Variants in EPRS1 observed in about 807,000 individuals in gnomAD.
EPRS1 encodes the protein bifunctional glutamate/proline--tRNA ligase.
In EPRS1, 107 loss-of-function variants were observed where a neutral mutation model predicts 188.3. That is an observed-to-expected ratio of 0.57 (90% CI 0.49 to 0.67). The LOEUF (loss-of-function observed/expected upper bound fraction) is 0.67. Among genes scored for constraint, EPRS1 ranks in the 30% least tolerant of loss-of-function variants. EPRS1 has a pLI of 0.00. For missense variants in EPRS1, 1,577 were observed against 1,802.2 expected, an observed-to-expected ratio of 0.88 and a Z score of 2.26; for synonymous variants, 596 against 593.1, an observed-to-expected ratio of 1.00 and a Z score of -0.07.
intron 17 of EPRS1, among the ~76,000 whole-genome samples, chr1:219,999,790 A>G (rs991180678): frequency 6.6e-6 from 1 of 152,142 alleles, no homozygotes; most frequent in Non-Finnish European, 1.5e-5. Context: ...TCTGGCCAAC[A>G]TGGCGAAACC....
intron 6 of EPRS1, among the ~76,000 whole-genome samples, chr1:220,028,527 G>A (rs2577149): frequency 0.8 from 121,696 of 151,780 alleles, 48,940 homozygotes; most frequent in East Asian, 0.93. Flanking sequence ...GCTGAATTGG[G>A]CTTCTGCCAT....
intron 30 of EPRS1, among the ~76,000 whole-genome samples, chr1:219,969,641 A>T (rs1660627303): frequency 7.5e-6 from 1 of 133,496 alleles, no homozygotes; most frequent in Non-Finnish European, 1.6e-5. Flanking sequence ...TCCTAAAATC[A>T]TTTTGTGTAA....
chr1:219,988,202 C>A (rs775816448), intron 19 of EPRS1, among the ~76,000 whole-genome samples: 1 of 152,120 alleles, frequency 6.6e-6, no homozygotes, highest in Admixed American at 6.6e-5. Context: ...CAAAATAAAA[C>A]CTACTATTTC....
At chr1:220,004,877 G>A (rs527754815) in intron 16 of EPRS1, among the ~76,000 whole-genome samples, 9 of 151,662 alleles carry the variant, frequency 5.9e-5, no homozygotes, top group Non-Finnish European at 1.3e-4. Context: ...CCCTCTAAAT[G>A]TATGCTGTTT....
intron 3 of EPRS1, among the ~76,000 whole-genome samples, chr1:220,034,632 C>A (rs1468176211): frequency 1.3e-5 from 2 of 152,176 alleles, no homozygotes; most frequent in Non-Finnish European, 1.5e-5. Flanking sequence ...ACAGCCCCAT[C>A]TGGCTATGAA....
intron 30 of EPRS1, among the ~76,000 whole-genome samples, chr1:219,970,906 G>A (rs1401371784): frequency 6.6e-6 from 1 of 151,928 alleles, no homozygotes; most frequent in South Asian, 2.1e-4. Context: ...GATCTAAAGA[G>A]GATTTTGATA....
chr1:219,979,848 T>C (rs761042721), intron 26 of EPRS1, among the ~76,000 whole-genome samples: 2 of 152,160 alleles, frequency 1.3e-5, no homozygotes, highest in Non-Finnish European at 2.9e-5. Flanking sequence ...TAGCAGTAAT[T>C]TTACCTACAA....
intron 2 of EPRS1, among the ~76,000 whole-genome samples, chr1:220,038,771 G>A (rs570008744): frequency 2.6e-5 from 4 of 152,246 alleles, no homozygotes; most frequent in African/African-American, 9.6e-5. Context: ...CCAGGAAGTG[G>A]GCGCAGGGAG....
chr1:220,038,217 G>A (rs1251122371), intron 2 of EPRS1, among the ~76,000 whole-genome samples: 1 of 151,600 alleles, frequency 6.6e-6, no homozygotes, highest in Non-Finnish European at 1.5e-5. Flanking sequence ...TGAGTAGCTG[G>A]GATTACAGGC....
intron 13 of EPRS1, among the ~76,000 whole-genome samples, chr1:220,008,857 G>A (rs1374342224): frequency 6.6e-6 from 1 of 151,744 alleles, no homozygotes; most frequent in African/African-American, 2.4e-5. Context: ...TTTATTTTTC[G>A]TAGAGACAGA....
At chr1:220,029,986 A>G (rs1405202661) in intron 6 of EPRS1, among the ~76,000 whole-genome samples, 1 of 152,222 alleles carries the variant, frequency 6.6e-6, no homozygotes, top group East Asian at 1.9e-4. Context: ...AAAAAAAATA[A>G]CTTAAAGACC....
At chr1:220,040,764 C>G (rs138100361) in intron 1 of EPRS1, among the ~76,000 whole-genome samples, 5 of 151,410 alleles carry the variant, frequency 3.3e-5, no homozygotes, top group Non-Finnish European at 7.4e-5. Context: ...GCAGGAGAAT[C>G]GCTTGAACCT....
chr1:220,000,060 G>A (rs2647428), intron 17 of EPRS1, among the ~76,000 whole-genome samples: 122,072 of 152,182 alleles, frequency 0.8, 49,120 homozygotes, highest in East Asian at 0.93. Flanking sequence ...AAACCACATG[G>A]GATACATAGG....
intron 17 of EPRS1, among the ~76,000 whole-genome samples, chr1:219,999,096 T>C (rs929624740): frequency 1.3e-5 from 2 of 152,102 alleles, no homozygotes; most frequent in Non-Finnish European, 2.9e-5. Context: ...AGTGCCTTCC[T>C]TTAATGAGGA....
chr1:220,039,964 C>T (rs1458829386), intron 2 of EPRS1, among the ~76,000 whole-genome samples: 1 of 152,180 alleles, frequency 6.6e-6, no homozygotes, highest in Non-Finnish European at 1.5e-5. Flanking sequence ...TACCCCATCT[C>T]TACAAAAAAC....
At chr1:220,005,831 TTTTTTTTTTG>T (rs1558052597) in intron 15 of EPRS1, among the ~76,000 whole-genome samples, 27 of 44,442 alleles carry the variant, frequency 6.1e-4, no homozygotes, top group African/African-American at 2.9e-3. Context: ...TTTTTTTTGT[TTTTTTTTTTG>T]TTTTTTTTTG....
chr1:220,019,095 T>G lies in EPRS1; in HGVS notation c.1350-16A>C, dbSNP rs1405834333. The G allele has an allele frequency of 6.5e-7, 1 of 1,548,970 alleles. No individual in the cohort carries two copies. The highest frequency in any genetic ancestry group is 1.7e-5 in the Admixed American group (1 of 59,680). On this transcript the variant is annotated splice_polypyrimidine_tract_variant and intron_variant, in intron 10 of 31. Transcript: ENST00000366923. ...TGGGTCATCCCTGGAAATATGTAAA[T>G]TTTAAGTACCAAGGAAATTTTGTAA...
intron 1 of EPRS1, among the ~76,000 whole-genome samples, chr1:220,046,034 A>C (rs1208530528): frequency 6.6e-6 from 1 of 152,104 alleles, no homozygotes; most frequent in Admixed American, 6.6e-5. Context: ...AAAAAGGGAG[A>C]GGTGAGTTGA....
chr1:220,028,407 AC>A (rs1219135769), intron 6 of EPRS1, among the ~76,000 whole-genome samples: 1 of 152,178 alleles, frequency 6.6e-6, no homozygotes, highest in African/African-American at 2.4e-5. Flanking sequence ...TCACAAGACA[AC>A]TAAAATCATC....
Sources: gnomAD v4.1 joint callset for allele counts (sites outside exome capture counted in the v4.1 genomes callset) on GRCh38, gnomAD v4.1.1 for gene constraint, MANE v1.5 for transcripts, NCBI Gene and HGNC (gene_info 2026-07-23, HGNC 2026-07-21) for gene names.